ROBO2: variants seen among roughly 807,000 people sequenced by gnomAD.
ROBO2 encodes roundabout guidance receptor 2.
In ROBO2, 53 loss-of-function variants were observed where a neutral mutation model predicts 160.8. The ratio of observed to expected loss-of-function variants is 0.33; its 90% CI spans 0.26 to 0.41. The LOEUF is 0.41. Ranked by LOEUF, ROBO2 falls within the 10% of genes least tolerant of loss-of-function variation. The probability of loss-of-function intolerance (pLI) is 1.00; values close to 1 mark genes in which losing one functional copy is unlikely to be tolerated. For synonymous variants in ROBO2, 664 were observed against 611.7 expected (o/e 1.09, Z -1.26); for missense variants, 1,577 against 1,722.4 (o/e 0.92, Z 1.49).
chr3:77,062,774 AC>A (rs1358653833), intron 1 of ROBO2, among the ~76,000 whole-genome samples: 1 of 152,186 alleles, frequency 6.6e-6, no homozygotes, highest in East Asian at 1.9e-4. Context: ...AGCAAGACAC[AC>A]AAAAAAAATG....
chr3:76,998,004 G>T (rs1276452369), intron 2 of ROBO2, among the ~76,000 whole-genome samples: 1 of 152,054 alleles, frequency 6.6e-6, no homozygotes, highest in African/African-American at 2.4e-5. Context: ...AAATCCTCTT[G>T]AGTCATGGGC....
intron 2 of ROBO2, among the ~76,000 whole-genome samples, chr3:76,141,101 G>T (rs1303028468): frequency 1.3e-3 from 26 of 20,340 alleles, no homozygotes; most frequent in South Asian, 4.0e-3. Context: ...TGGGTTTATA[G>T]GTATGAGCTA....
At chr3:76,748,889 C>T (rs997764065) in intron 2 of ROBO2, among the ~76,000 whole-genome samples, 2 of 151,654 alleles carry the variant, frequency 1.3e-5, no homozygotes, top group East Asian at 1.9e-4. Context: ...TTAGAATATT[C>T]GTTACATCAT....
At chr3:76,258,681 T>C (rs1414732224) in intron 2 of ROBO2, among the ~76,000 whole-genome samples, 1 of 152,100 alleles carries the variant, frequency 6.6e-6, no homozygotes, top group Non-Finnish European at 1.5e-5. Context: ...CAGATATTTT[T>C]CTAAAATGTG....
intron 7 of ROBO2, among the ~76,000 whole-genome samples, chr3:77,547,794 C>T (rs1180864569): frequency 1.3e-5 from 2 of 152,080 alleles, no homozygotes; most frequent in Non-Finnish European, 2.9e-5. Context: ...CAGAACTGTT[C>T]CAGGCCTTAA....
intron 2 of ROBO2, among the ~76,000 whole-genome samples, chr3:76,315,106 C>T (rs111549728): frequency 0.28 from 41,985 of 151,994 alleles, 6,261 homozygotes; most frequent in Non-Finnish European, 0.34. Flanking sequence ...TCTGAGCAAC[C>T]ACTGATCAAA....
At chr3:76,764,570 C>G (rs999829761) in intron 2 of ROBO2, among the ~76,000 whole-genome samples, 2 of 151,694 alleles carry the variant, frequency 1.3e-5, no homozygotes, top group African/African-American at 4.8e-5. Flanking sequence ...ATTTTCCAGG[C>G]TCATCTTTTA....
At chr3:76,600,324 G>T (rs1381570897) in intron 2 of ROBO2, among the ~76,000 whole-genome samples, 1 of 152,188 alleles carries the variant, frequency 6.6e-6, no homozygotes, top group Admixed American at 6.5e-5. Flanking sequence ...TTGAATAACA[G>T]ATTTTTTTAA....
chr3:76,341,082 T>C (rs181683514), intron 2 of ROBO2, among the ~76,000 whole-genome samples: 3 of 152,250 alleles, frequency 2.0e-5, no homozygotes, highest in Admixed American at 6.5e-5. Flanking sequence ...TAATATTAGT[T>C]CATTTTCCCC....
At chr3:76,196,308 A>G (rs893706979) in intron 2 of ROBO2, among the ~76,000 whole-genome samples, 7 of 152,122 alleles carry the variant, frequency 4.6e-5, no homozygotes, top group African/African-American at 1.7e-4. Context: ...TCATATAATC[A>G]TTGCCTTATA....
At chr3:76,364,696 A>G (rs2075712607) in intron 2 of ROBO2, among the ~76,000 whole-genome samples, 1 of 152,084 alleles carries the variant, frequency 6.6e-6, no homozygotes, top group African/African-American at 2.4e-5. Context: ...TTCACTGAAA[A>G]CTTTGGAAGA....
intron 1 of ROBO2, among the ~76,000 whole-genome samples, chr3:77,052,022 G>A (rs958109991): frequency 1.1e-4 from 17 of 152,300 alleles, no homozygotes; most frequent in African/African-American, 4.1e-4. Context: ...AAAAGAACAT[G>A]TGTCTGCTTT....
rs533309692 is a variant in ROBO2 at position 77,353,359 on chromosome 3, G to A, written c.389-124055G>A. Among the ~76,000 whole-genome samples the A allele has an allele frequency of 2.6e-5, 4 of 152,262 alleles. No individual in the cohort carries two copies. The South Asian group carries it at 8.3e-4, about 32-fold the overall frequency. On this transcript the variant is annotated intron_variant, in intron 2 of 25. Transcript: ENST00000461745. ...CCTTGTTTTAGATAAAGCATAGTTG[G>A]AATTTCTTGACATGATTGAGGACCA...
intron 2 of ROBO2, among the ~76,000 whole-genome samples, chr3:76,185,618 A>G (rs924324588): frequency 1.3e-5 from 2 of 152,066 alleles, no homozygotes; most frequent in African/African-American, 4.8e-5. Flanking sequence ...TTCTGAAAAA[A>G]CTGGAAGAAT....
chr3:76,688,971 C>G (rs1002749233), intron 2 of ROBO2, among the ~76,000 whole-genome samples: 2 of 151,704 alleles, frequency 1.3e-5, no homozygotes, highest in African/African-American at 4.8e-5. Flanking sequence ...CATTGCTTAC[C>G]TTGGTTTTAA....
At chr3:76,382,673 AG>A (rs1454259023) in intron 2 of ROBO2, among the ~76,000 whole-genome samples, 2 of 152,236 alleles carry the variant, frequency 1.3e-5, no homozygotes, top group South Asian at 4.1e-4. Flanking sequence ...TGTTAAAGAA[AG>A]GCAATGAAGT....
At chr3:75,989,348 C>T (rs2065501949) in intron 2 of ROBO2, among the ~76,000 whole-genome samples, 1 of 152,040 alleles carries the variant, frequency 6.6e-6, no homozygotes, top group Non-Finnish European at 1.5e-5. Flanking sequence ...GAACTCCTGA[C>T]CTCATGATCC....
intron 2 of ROBO2, among the ~76,000 whole-genome samples, chr3:76,079,482 G>GTTTT (rs35755828): frequency 1.5e-5 from 2 of 137,230 alleles, no homozygotes; most frequent in South Asian, 2.3e-4. Flanking sequence ...ATTATTATTA[G>GTTTT]TTTTTTTTTT....
chr3:76,035,493 A>G (rs1223543373), intron 2 of ROBO2, among the ~76,000 whole-genome samples: 1 of 151,942 alleles, frequency 6.6e-6, no homozygotes, highest in Admixed American at 6.6e-5. Flanking sequence ...AGGATGCGCT[A>G]GGCTAGATTT....
Sources: gnomAD v4.1 joint callset for allele counts (sites outside exome capture counted in the v4.1 genomes callset) on GRCh38, gnomAD v4.1.1 for gene constraint, MANE v1.5 for transcripts, NCBI Gene and HGNC (gene_info 2026-07-23, HGNC 2026-07-21) for gene names.